Variants in ZNF99 observed in about 807,000 individuals in gnomAD.
The protein encoded by ZNF99 is zinc finger protein ENSP00000375192.
In ZNF99, 8 loss-of-function variants were observed where a neutral mutation model predicts 12.8. That is an observed-to-expected ratio of 0.62 (90% CI 0.37 to 1.13). The LOEUF (loss-of-function observed/expected upper bound fraction) is 1.13, where lower values mean the gene tolerates loss of function less well. ZNF99 is among the 50% of genes most tolerant of loss of function. The probability of loss-of-function intolerance (pLI) is 0.02; values close to 1 mark genes in which losing one functional copy is unlikely to be tolerated. For missense variants in ZNF99, 1,007 were observed against 1,006.2 expected (o/e 1.00, Z -0.01); for synonymous variants, 318 against 319.0 (o/e 1.00, Z 0.03).
rs1239503063 is a variant in ZNF99 at position 22,754,691 on chromosome 19, T to C, written c.*2623A>G. The C allele has an allele frequency of 3.2e-6, 1 of 310,690 alleles. No homozygotes were observed. The highest frequency in any genetic ancestry group is 8.9e-5 in the East Asian group (1 of 11,288). 19.2% of individuals were successfully genotyped at this position (310,690 alleles called of 1,614,324 possible). A position where few individuals can be genotyped will look rare whatever the true frequency, so the allele number is the denominator to read the frequency against. On this transcript the variant is annotated 3_prime_UTR_variant, in exon 4 of 4. Coordinates refer to ENST00000596209, the MANE Select transcript of ZNF99 (RefSeq NM_001080409.3). ...AGTTTCCATTATGAATTATCTTATG[T>C]TCAGTAAGGTTTGAGGACGTTAAAA...
chr19:22,763,062 T>C (rs909554939), intron 3 of ZNF99, among the ~76,000 whole-genome samples: 68 of 152,066 alleles, frequency 4.5e-4, no homozygotes, highest in African/African-American at 1.3e-3. Flanking sequence ...GCATTCCCTC[T>C]GAGGACTGGA....
intron 1 of ZNF99, among the ~76,000 whole-genome samples, chr19:22,778,487 CACA>C (rs2145159831): frequency 6.6e-6 from 1 of 152,258 alleles, no homozygotes; most frequent in Non-Finnish European, 1.5e-5. Context: ...GGCTCAGTCT[CACA>C]ACATTGTTCT....
At position 22,756,020 on chromosome 19, in the gene ZNF99, C is replaced by G; in HGVS notation, c.*1294G>C. On this transcript the variant is annotated 3_prime_UTR_variant, in exon 4 of 4. Coordinates refer to ENST00000596209, the MANE Select transcript of ZNF99 (RefSeq NM_001080409.3). ...GTGTGAGGACTGGTTAAAGGCTTTG[C>G]CACATTCTTTACATTTGTGGGGTTT... The G allele has an allele frequency of 2.1e-6, 2 of 963,578 alleles. No individual in the cohort carries two copies. The highest frequency in any genetic ancestry group is 3.0e-6 in the Non-Finnish European group (2 of 657,400). The allele number at this position is 963,578 out of a possible 1,614,324, so 59.7% of individuals were successfully genotyped here. A position where few individuals can be genotyped will look rare whatever the true frequency, so the allele number is the denominator to read the frequency against.
chr19:22,782,035 C>T, intron 1 of ZNF99, among the ~76,000 whole-genome samples: 1 of 150,992 alleles, frequency 6.6e-6, no homozygotes, highest in East Asian at 1.9e-4. Context: ...GAAATATTCA[C>T]AAACAGAAAA....
chr19:22,772,264 T>A (rs1392957554), intron 1 of ZNF99, among the ~76,000 whole-genome samples: 2 of 152,210 alleles, frequency 1.3e-5, no homozygotes, highest in South Asian at 4.1e-4. Flanking sequence ...AGGAATAACA[T>A]TGATTATTGA....
chr19:22,765,683 A>T (rs1181684144), intron 3 of ZNF99, among the ~76,000 whole-genome samples: 1 of 104,480 alleles, frequency 9.6e-6, no homozygotes. Context: ...TAGCACAGTT[A>T]AAAAAAAAAG....
Position 22,758,883 on chromosome 19 carries a change from T to G in ZNF99, c.1026A>C (p.Lys342Asn). The G allele has an allele frequency of 6.2e-7, 1 of 1,613,748 alleles. No individual in the cohort carries two copies. Among genetic ancestry groups the G allele is most frequent in the Non-Finnish European group, 8.5e-7 (1 of 1,179,900 alleles). Reference sequence around the variant, plus strand: ...TAAAAGCTTTGCCACATTCTTCACATTTGTAGGGTTTCTTTCCAGTATGAA... The same window carrying G: ...TAAAAGCTTTGCCACATTCTTCACAGTTGTAGGGTTTCTTTCCAGTATGAA... The part of the protein sequence containing the change: ...QIIHTGKKPY[K>N]CEECGKAFSQ... Residue 342 changes from lysine to asparagine, a missense_variant, in exon 4 of 4, where the codon AAA (lysine) becomes AAC (asparagine). Transcript: ENST00000596209.
rs576401386 is a variant in ZNF99 at position 22,784,002 on chromosome 19, C to T, written c.3+12G>A. ...CTTCCCCTTCTCAGGATATCGGACC[C>T]GGCACTCTCACCATTTCTAAGCTTC... On this transcript the variant is annotated intron_variant, in intron 1 of 3. Transcript: ENST00000596209. 6.2e-6 allele frequency: 10 copies of T among 1,613,648 alleles called. No homozygotes were observed. Among genetic ancestry groups the T allele is most frequent in the Non-Finnish European group, 8.5e-6 (10 of 1,179,936 alleles).
In ZNF99 at chr19:22,755,295, G is replaced by T; in HGVS notation, c.*2019C>A. ...CACATTCTTCACATTTCTAGAGTTTGTCTTCAGTATCAACTATTTTCTGTT... is the reference window on the plus strand; with the variant it reads ...CACATTCTTCACATTTCTAGAGTTTTTCTTCAGTATCAACTATTTTCTGTT... On this transcript the variant is annotated 3_prime_UTR_variant, in exon 4 of 4. Transcript: ENST00000596209. 4.0e-6 allele frequency: 1 copy of T among 252,844 alleles called. No homozygotes were observed. Among genetic ancestry groups the T allele is most frequent in the Non-Finnish European group, 8.2e-6 (1 of 122,002 alleles). 15.7% of individuals were successfully genotyped at this position (252,844 alleles called of 1,614,324 possible). A position where few individuals can be genotyped will look rare whatever the true frequency, so the allele number is the denominator to read the frequency against.
intron 2 of ZNF99, among the ~76,000 whole-genome samples, chr19:22,768,651 A>G (rs570431197): frequency 6.6e-6 from 1 of 152,296 alleles, no homozygotes; most frequent in South Asian, 2.1e-4. Context: ...ATGCCACTAA[A>G]TTTCTTCAAT....
At chr19:22,763,559 G>T (rs1264070831) in intron 3 of ZNF99, among the ~76,000 whole-genome samples, 2 of 152,084 alleles carry the variant, frequency 1.3e-5, no homozygotes, top group Non-Finnish European at 2.9e-5. Context: ...ACTGCCAAAA[G>T]CAATCTACAA....
At chr19:22,772,934 T>C (rs919381959) in intron 1 of ZNF99, among the ~76,000 whole-genome samples, 5 of 152,278 alleles carry the variant, frequency 3.3e-5, no homozygotes, top group East Asian at 1.9e-4. Flanking sequence ...TGTGTACATG[T>C]CTACTCAATG....
chr19:22,760,361 A>G (rs1471594924), intron 3 of ZNF99, among the ~76,000 whole-genome samples: 3 of 152,332 alleles, frequency 2.0e-5, no homozygotes, highest in Middle Eastern at 3.4e-3. Context: ...TGGCACATAC[A>G]TATTTATTTC....
chr19:22,755,453 A>T lies in ZNF99; in HGVS notation c.*1861T>A. The T allele has an allele frequency of 3.5e-6, 1 of 283,136 alleles. No homozygotes were observed. Among genetic ancestry groups the T allele is most frequent in the Non-Finnish European group, 7.2e-6 (1 of 138,140 alleles). The allele number at this position is 283,136 out of a possible 1,614,324, so 17.5% of individuals were successfully genotyped here. Reference sequence around the variant, plus strand: ...AAAGTTTTGCCACACTCTTCACATGAGGCGGGTTTCTCTCTAATTTATCTT... The same window carrying T: ...AAAGTTTTGCCACACTCTTCACATGTGGCGGGTTTCTCTCTAATTTATCTT... On this transcript the variant is annotated 3_prime_UTR_variant, in exon 4 of 4. Coordinates refer to ENST00000596209, the MANE Select transcript of ZNF99 (RefSeq NM_001080409.3).
At position 22,757,171 on chromosome 19, in the gene ZNF99, G is replaced by A. The variant is rs369218703; in HGVS notation, c.*143C>T. 1.6e-5 allele frequency: 25 copies of A among 1,612,616 alleles called. No individual in the cohort carries two copies. Among genetic ancestry groups the A allele is most frequent in the Middle Eastern group, 1.6e-4 (1 of 6,070 alleles). ...CTGCTTTATGTCTAGTAAGGTGTGA[G>A]GACTGCTTAAAAGCTTTGCCACATT... On this transcript the variant is annotated 3_prime_UTR_variant, in exon 4 of 4. Coordinates refer to ENST00000596209, the MANE Select transcript of ZNF99 (RefSeq NM_001080409.3).
chr19:22,776,408 GATATATATATATATATATATATATATAT>G lies in ZNF99; in HGVS notation c.4-7112_4-7085del, dbSNP rs55638958. On this transcript the variant is annotated intron_variant, in intron 1 of 3. Transcript: ENST00000596209. ...CATGAGCAAACTTTTTCCAAAATAA[GATATATATATATATATATATATATATAT>G]ATATATATATATATATATATATATA... 3.7e-3 allele frequency among the ~76,000 whole-genome samples: 257 copies of G among 69,654 alleles called. 7 individuals carry two copies. The highest frequency in any genetic ancestry group is 9.8e-3 in the African/African-American group (199 of 20,220). 45.7% of individuals were successfully genotyped at this position (69,654 alleles called of 152,430 possible). A position where few individuals can be genotyped will look rare whatever the true frequency, so the allele number is the denominator to read the frequency against.
In ZNF99 at chr19:22,784,115, G is replaced by T; in HGVS notation, c.-99C>A. The T allele has an allele frequency of 1.5e-6, 2 of 1,374,880 alleles. No homozygotes were observed. The highest frequency in any genetic ancestry group is 1.0e-6 in the Non-Finnish European group (1 of 987,660). The allele number at this position is 1,374,880 out of a possible 1,614,324, so 85.2% of individuals were successfully genotyped here. On this transcript the variant is annotated 5_prime_UTR_variant, in exon 1 of 4. Transcript: ENST00000596209. The stretch of plus-strand genomic sequence containing the variant: ...GCTAAGGACACAGAGCAGTAAAAAC[G>T]AGATCCGGAGCTCCAGCTGGAACCA...
At chr19:22,775,202 A>G (rs1973313191) in intron 1 of ZNF99, among the ~76,000 whole-genome samples, 2 of 152,218 alleles carry the variant, frequency 1.3e-5, no homozygotes, top group South Asian at 4.1e-4. Context: ...TAATACTGGT[A>G]CAAGAAACAG....
chr19:22,759,518 T>A lies in ZNF99; in HGVS notation c.391A>T (p.Asn131Tyr), dbSNP rs747884218. 6.2e-7 allele frequency: 1 copy of A among 1,609,900 alleles called. No individual in the cohort carries two copies. Among genetic ancestry groups the A allele is most frequent in the South Asian group, 1.1e-5 (1 of 89,576 alleles). Residue 131 changes from asparagine to tyrosine, a missense_variant, in exon 4 of 4, where the codon AAT becomes TAT. By Grantham distance (143) the Asn-to-Tyr change is moderately radical. Coordinates refer to ENST00000596209, the MANE Select transcript of ZNF99 (RefSeq NM_001080409.3). ...NEGKMHEEAY[N>Y]KLNQCWTTTQ... ...GTTGTCCAACATTGGTTAAGTTTAT[T>A]ATAAGCTTCTTCGTGCATCTTACCC...
Sources: gnomAD v4.1 joint callset for allele counts (sites outside exome capture counted in the v4.1 genomes callset) on GRCh38, gnomAD v4.1.1 for gene constraint, MANE v1.5 for transcripts, NCBI Gene and HGNC (gene_info 2026-07-23, HGNC 2026-07-21) for gene names.